Variants in ZNF804A observed in about 807,000 individuals in gnomAD.
ZNF804A encodes the protein zinc finger protein 804A.
Under a neutral mutation model 16.5 loss-of-function variants are expected in ZNF804A, and 2 were observed. The ratio of observed to expected loss-of-function variants is 0.12; its 90% CI spans 0.05 to 0.38. The LOEUF is 0.38. Ranked by LOEUF, ZNF804A falls within the 10% of genes least tolerant of loss-of-function variation. The pLI, the probability that ZNF804A is intolerant of heterozygous loss-of-function variation, is 0.99. For missense variants in ZNF804A, 1,473 were observed against 1,390.7 expected, an observed-to-expected ratio of 1.06 and a Z score of -0.94; for synonymous variants, 534 against 489.6, an observed-to-expected ratio of 1.09 and a Z score of -1.20.
At chr2:184,772,214 G>A (rs937120608) in intron 1 of ZNF804A, among the ~76,000 whole-genome samples, 2 of 150,036 alleles carry the variant, frequency 1.3e-5, no homozygotes, top group African/African-American at 4.9e-5. Context: ...ATTTTTCAGA[G>A]TTGTGCAACT....
intron 1 of ZNF804A, among the ~76,000 whole-genome samples, chr2:184,687,060 G>C (rs925581543): frequency 6.6e-6 from 1 of 152,008 alleles, no homozygotes; most frequent in Non-Finnish European, 1.5e-5. Context: ...CTTTTGTTGC[G>C]GTTGCTTTGG....
At chr2:184,799,989 TA>T (rs1694699600) in intron 1 of ZNF804A, among the ~76,000 whole-genome samples, 1 of 152,182 alleles carries the variant, frequency 6.6e-6, no homozygotes, top group Non-Finnish European at 1.5e-5. Flanking sequence ...GTATATGATC[TA>T]TTTTTTTTCT....
intron 1 of ZNF804A, among the ~76,000 whole-genome samples, chr2:184,611,254 G>T (rs1039212548): frequency 2.6e-5 from 4 of 151,922 alleles, no homozygotes; most frequent in Non-Finnish European, 4.4e-5. Context: ...ATCACATTGG[G>T]GCTTAGAATT....
At chr2:184,678,226 A>G (rs34713272) in intron 1 of ZNF804A, among the ~76,000 whole-genome samples, 21,967 of 152,074 alleles carry the variant, frequency 0.14, 1,692 homozygotes, top group Middle Eastern at 0.23. Context: ...ACTTAAGAAG[A>G]AAACTTTTAT....
chr2:184,606,780 C>T (rs1691153275), intron 1 of ZNF804A, among the ~76,000 whole-genome samples: 1 of 151,950 alleles, frequency 6.6e-6, no homozygotes, highest in South Asian at 2.1e-4. Context: ...TTAAGATTTA[C>T]CAGCTCCTGC....
intron 1 of ZNF804A, among the ~76,000 whole-genome samples, chr2:184,725,633 G>T (rs750311231): frequency 5.3e-5 from 8 of 151,384 alleles, no homozygotes; most frequent in Non-Finnish European, 1.2e-4. Flanking sequence ...AGTATAATAT[G>T]AAAACCAGAA....
At chr2:184,825,637 G>A (rs1445129725) in intron 1 of ZNF804A, among the ~76,000 whole-genome samples, 1 of 152,044 alleles carries the variant, frequency 6.6e-6, no homozygotes, top group African/African-American at 2.4e-5. Flanking sequence ...CTCTTGACCA[G>A]GTAACTTGGG....
intron 1 of ZNF804A, among the ~76,000 whole-genome samples, chr2:184,854,941 G>A (rs969639040): frequency 6.6e-6 from 1 of 151,878 alleles, no homozygotes; most frequent in African/African-American, 2.4e-5. Context: ...GAAAAGACAC[G>A]ACATTAATTT....
At chr2:184,794,918 T>G (rs1694607993) in intron 1 of ZNF804A, among the ~76,000 whole-genome samples, 1 of 151,896 alleles carries the variant, frequency 6.6e-6, no homozygotes, top group South Asian at 2.1e-4. Context: ...CCCAAATTTA[T>G]AAAGCAATTG....
At position 184,678,961 on chromosome 2, in the gene ZNF804A, A is replaced by G. The variant is rs187441646; in HGVS notation, c.111+79891A>G. On this transcript the variant is annotated intron_variant, in intron 1 of 3. Coordinates refer to ENST00000302277, the MANE Select transcript of ZNF804A (RefSeq NM_194250.2). Reference sequence around the variant, plus strand: ...AAATACATTTAAAATATGGAAACAAACCATACATATTATTATAAATATATA... The same window carrying G: ...AAATACATTTAAAATATGGAAACAAGCCATACATATTATTATAAATATATA... Among the ~76,000 whole-genome samples the G allele has an allele frequency of 3.2e-4, 48 of 152,306 alleles. 1 individual carries two copies. In the East Asian group the frequency reaches 8.1e-3, roughly 26 times the overall value.
At chr2:184,927,663 G>A (rs1374768419) in intron 2 of ZNF804A, among the ~76,000 whole-genome samples, 1 of 152,102 alleles carries the variant, frequency 6.6e-6, no homozygotes. Context: ...GTGTTCCATT[G>A]TACTGTCGCT....
intron 1 of ZNF804A, among the ~76,000 whole-genome samples, chr2:184,756,332 A>G (rs1693958182): frequency 6.6e-6 from 1 of 151,884 alleles, no homozygotes; most frequent in Non-Finnish European, 1.5e-5. Context: ...TCTTTCTTCC[A>G]CAGCCTCCCA....
Position 184,938,831 on chromosome 2 carries a change from G to C in ZNF804A, c.3435G>C (p.Gln1145His). ...IPALTRTSLP[Q>H]LSVGPVGPRL... ...CTCTCACCAGAACCTCATTACCTCAGCTCTCAGTAGGACCAGTAGGACCGA... is the reference window on the plus strand; with the variant it reads ...CTCTCACCAGAACCTCATTACCTCACCTCTCAGTAGGACCAGTAGGACCGA... The change falls in exon 4 of 4, where the codon CAG becomes CAC. Residue 1145 changes from glutamine to histidine, a missense_variant. By Grantham distance (24) the Gln-to-His change is conservative. Transcript: ENST00000302277. 1 of 1,613,862 alleles carries C rather than the reference G, an allele frequency of 6.2e-7. No individual in the cohort carries two copies. Among genetic ancestry groups the C allele is most frequent in the Non-Finnish European group, 8.5e-7 (1 of 1,179,964 alleles).
rs540556497 is a variant in ZNF804A, at chr2:184,682,028, C to T, written c.111+82958C>T. ...GCACAGACACGACAGCACCCCCTGC[C>T]GCCTCAGCCCCCTCTGAAACTTTGG... On this transcript the variant is annotated intron_variant, in intron 1 of 3. Coordinates refer to ENST00000302277, the MANE Select transcript of ZNF804A (RefSeq NM_194250.2). 1.1e-4 allele frequency among the ~76,000 whole-genome samples: 17 copies of T among 152,326 alleles called. No homozygotes were observed. In the South Asian group the frequency reaches 2.7e-3, roughly 24 times the overall value.
chr2:184,873,377 A>C (rs1020107431), intron 2 of ZNF804A, among the ~76,000 whole-genome samples: 1 of 152,178 alleles, frequency 6.6e-6, no homozygotes, highest in African/African-American at 2.4e-5. Context: ...AGTCCCAGCT[A>C]TGCAGGAAGC....
intron 1 of ZNF804A, among the ~76,000 whole-genome samples, chr2:184,862,813 TG>T (rs1395110820): frequency 6.6e-6 from 1 of 152,128 alleles, no homozygotes; most frequent in African/African-American, 2.4e-5. Context: ...AATTTTGTTT[TG>T]AACAACCTAT....
chr2:184,757,446 T>A (rs1386642470), intron 1 of ZNF804A, among the ~76,000 whole-genome samples: 1 of 152,010 alleles, frequency 6.6e-6, no homozygotes, highest in African/African-American at 2.4e-5. Context: ...TGCTTGTTCC[T>A]TGGGATATCT....
At chr2:184,879,975 A>C (rs1684783554) in intron 2 of ZNF804A, among the ~76,000 whole-genome samples, 1 of 152,042 alleles carries the variant, frequency 6.6e-6, no homozygotes, top group African/African-American at 2.4e-5. Context: ...TTTTTTTCTA[A>C]GCATACCTTC....
At chr2:184,814,788 G>A (rs374520883) in intron 1 of ZNF804A, among the ~76,000 whole-genome samples, 12 of 151,972 alleles carry the variant, frequency 7.9e-5, no homozygotes, top group Admixed American at 1.3e-4. Flanking sequence ...TGAGATCTCC[G>A]TCACCTGGGT....
Sources: allele counts gnomAD v4.1 joint callset (sites outside exome capture counted in the v4.1 genomes callset), GRCh38; gene constraint gnomAD v4.1.1; transcripts MANE v1.5; gene names NCBI Gene and HGNC (gene_info 2026-07-23, HGNC 2026-07-21).